CDH18: variants seen among roughly 807,000 people sequenced by gnomAD.
CDH18 encodes cadherin-18.
In CDH18, 31 loss-of-function variants were observed where a neutral mutation model predicts 67.9. The observed-to-expected ratio is 0.46, with a 90% CI of 0.34 to 0.62. The LOEUF is 0.62. CDH18 is among the 20% of genes least tolerant of loss of function. The probability of loss-of-function intolerance (pLI) is 0.01; values close to 1 mark genes in which losing one functional copy is unlikely to be tolerated. For missense variants in CDH18, 890 were observed against 975.5 expected, an observed-to-expected ratio of 0.91 and a Z score of 1.17; for synonymous variants, 362 against 347.2, an observed-to-expected ratio of 1.04 and a Z score of -0.48.
chr5:19,487,748 A>C (rs1561174713), intron 11 of CDH18, among the ~76,000 whole-genome samples: 1 of 152,152 alleles, frequency 6.6e-6, no homozygotes, highest in Non-Finnish European at 1.5e-5. Flanking sequence ...AAATAGGATG[A>C]AGCAGGGAGG....
chr5:20,056,478 GTTTTTTTTTTTT>G (rs58415003), intron 2 of CDH18, among the ~76,000 whole-genome samples: 9 of 16,290 alleles, frequency 5.5e-4, no homozygotes, highest in East Asian at 4.0e-3. Flanking sequence ...TCTTTCTTTT[GTTTTTTTTTTTT>G]TTTTTTTTTT....
At chr5:20,421,741 C>A (rs1392016516) in intron 1 of CDH18, among the ~76,000 whole-genome samples, 1 of 150,422 alleles carries the variant, frequency 6.6e-6, no homozygotes, top group South Asian at 2.1e-4. Flanking sequence ...AATTAAAGTT[C>A]AAGTACTGGA....
chr5:19,507,010 C>T (rs1744298536), intron 10 of CDH18, among the ~76,000 whole-genome samples: 1 of 152,164 alleles, frequency 6.6e-6, no homozygotes. Flanking sequence ...CCTCATCTGT[C>T]AAAGGGCTAA....
At chr5:20,144,309 G>T (rs1750476203) in intron 2 of CDH18, among the ~76,000 whole-genome samples, 1 of 152,008 alleles carries the variant, frequency 6.6e-6, no homozygotes, top group Admixed American at 6.6e-5. Flanking sequence ...AGCAAGCCAA[G>T]GATAATTATT....
chr5:20,285,123 C>T (rs1457906947), intron 1 of CDH18, among the ~76,000 whole-genome samples: 5 of 151,516 alleles, frequency 3.3e-5, no homozygotes, highest in Admixed American at 1.3e-4. Context: ...GTGGTAGTTG[C>T]TGCATGCACA....
chr5:19,705,830 A>G (rs1299089013), intron 5 of CDH18, among the ~76,000 whole-genome samples: 5 of 152,160 alleles, frequency 3.3e-5, no homozygotes, highest in African/African-American at 1.2e-4. Context: ...TGGCAAACCC[A>G]TTTAGCTGAC....
In CDH18 at chr5:19,581,991, T is replaced by C. The variant is rs150334422; in HGVS notation, c.999+9066A>G. On this transcript the variant is annotated intron_variant, in intron 7 of 12. Transcript: ENST00000382275. ...ATTTCTCTATACAGAAGAAAGTAAT[T>C]CTTATTCATTGTGTATAATTCTAAG... Among the ~76,000 whole-genome samples the C allele has an allele frequency of 9.1e-3, 1,386 of 152,184 alleles. 8 individuals carry two copies. Among genetic ancestry groups the C allele is most frequent in the African/African-American group, 0.01 (431 of 41,568 alleles).
At chr5:20,382,438 T>C (rs1359556490) in intron 1 of CDH18, among the ~76,000 whole-genome samples, 1 of 152,148 alleles carries the variant, frequency 6.6e-6, no homozygotes, top group Admixed American at 6.6e-5. Flanking sequence ...GGATAGTAAC[T>C]GGCTAATTCA....
chr5:19,987,942 C>A (rs1799733775), intron 1 of CDH18, 144 bp downstream of exon 1: 1 of 152,170 alleles, frequency 6.6e-6, no homozygotes, highest in Non-Finnish European at 1.5e-5. Flanking sequence ...ACAACTTTCC[C>A]CTCAGCCCTC....
At chr5:20,341,298 G>A (rs905918982) in intron 1 of CDH18, among the ~76,000 whole-genome samples, 12 of 151,982 alleles carry the variant, frequency 7.9e-5, no homozygotes, top group African/African-American at 2.9e-4. Flanking sequence ...ATATAAAGCA[G>A]GTGGAAAAAC....
At chr5:20,190,065 A>G (rs973067439) in intron 2 of CDH18, among the ~76,000 whole-genome samples, 17 of 152,106 alleles carry the variant, frequency 1.1e-4, no homozygotes, top group African/African-American at 3.6e-4. Flanking sequence ...GCAGCAGACC[A>G]TAGGCTCCAG....
intron 2 of CDH18, among the ~76,000 whole-genome samples, chr5:19,956,588 C>T (rs2150284863): frequency 6.6e-6 from 1 of 151,458 alleles, no homozygotes; most frequent in Non-Finnish European, 1.5e-5. Context: ...GTTATGAATA[C>T]TAAGAAACCA....
intron 1 of CDH18, among the ~76,000 whole-genome samples, chr5:20,261,612 G>A (rs1465535213): frequency 1.3e-5 from 2 of 152,014 alleles, no homozygotes; most frequent in Non-Finnish European, 2.9e-5. Context: ...GTGGTGGCGG[G>A]TGCCTGTAGT....
chr5:19,779,765 G>A (rs1204060944), intron 3 of CDH18, among the ~76,000 whole-genome samples: 2 of 152,246 alleles, frequency 1.3e-5, no homozygotes, highest in Non-Finnish European at 2.9e-5. Flanking sequence ...TGTAGAAGAT[G>A]TTATTACTAA....
chr5:19,620,189 T>C (rs973204523), intron 5 of CDH18, among the ~76,000 whole-genome samples: 1 of 152,202 alleles, frequency 6.6e-6, no homozygotes, highest in Non-Finnish European at 1.5e-5. Flanking sequence ...TGAAAATTGA[T>C]GGTGAAGTAG....
intron 1 of CDH18, among the ~76,000 whole-genome samples, chr5:20,289,991 G>T (rs1228741532): frequency 1.3e-5 from 2 of 152,028 alleles, no homozygotes; most frequent in Admixed American, 1.3e-4. Context: ...TATAAATCTG[G>T]AATTTGAAAA....
intron 2 of CDH18, among the ~76,000 whole-genome samples, chr5:20,085,754 T>G (rs1744892757): frequency 1.3e-5 from 2 of 152,134 alleles, no homozygotes; most frequent in African/African-American, 2.4e-5. Flanking sequence ...TCATGAGACT[T>G]ATTCACTATC....
chr5:19,864,313 G>A (rs112780542), intron 2 of CDH18, among the ~76,000 whole-genome samples: 5,402 of 147,126 alleles, frequency 0.037, 331 homozygotes, highest in African/African-American at 0.13. Context: ...TCACTCATAG[G>A]TGGGAATTGA....
intron 2 of CDH18, among the ~76,000 whole-genome samples, chr5:20,246,498 A>G (rs1224451260): frequency 6.6e-6 from 1 of 152,206 alleles, no homozygotes; most frequent in Admixed American, 6.5e-5. Context: ...TTCATAAAGA[A>G]GCAACATTTT....
Sources: gnomAD v4.1 joint callset for allele counts (sites outside exome capture counted in the v4.1 genomes callset) on GRCh38, gnomAD v4.1.1 for gene constraint, MANE v1.5 for transcripts, NCBI Gene and HGNC (gene_info 2026-07-23, HGNC 2026-07-21) for gene names.